Variants in KIF21A observed in about 807,000 individuals in gnomAD.
KIF21A encodes kinesin family member 21A.
KIF21A carries 114 observed loss-of-function variants against 202.9 expected under a neutral mutation model. That is an observed-to-expected ratio of 0.56 (90% confidence interval 0.48 to 0.66). The LOEUF (loss-of-function observed/expected upper bound fraction) is 0.66. KIF21A is among the 30% of genes least tolerant of loss of function. The pLI, the probability that KIF21A is intolerant of heterozygous loss-of-function variation, is 0.00. For synonymous variants in KIF21A, 667 were observed against 670.8 expected (o/e 0.99, Z 0.09); for missense variants, 1,677 against 1,994.9 (o/e 0.84, Z 3.04).
intron 1 of KIF21A, among the ~76,000 whole-genome samples, chr12:39,395,860 G>A (rs371273024): frequency 8.4e-4 from 97 of 115,380 alleles, no homozygotes; most frequent in African/African-American, 3.1e-3. Context: ...AAAAAAAAAA[G>A]AAGAAGAAAA....
chr12:39,311,369 T>G (rs1944010460), intron 32 of KIF21A, 48 bp downstream of exon 32: 1 of 1,553,260 alleles, frequency 6.4e-7, no homozygotes, highest in Non-Finnish European at 8.8e-7. Context: ...ATGTAATTTT[T>G]TTTAAAAAAA....
At chr12:39,377,793 T>C (rs770796826) in intron 1 of KIF21A, among the ~76,000 whole-genome samples, 7 of 152,192 alleles carry the variant, frequency 4.6e-5, no homozygotes, top group Non-Finnish European at 1.0e-4. Flanking sequence ...TTCCAGGGAC[T>C]AGGGAGTACA....
chr12:39,439,569 A>G (rs983710009), intron 1 of KIF21A, among the ~76,000 whole-genome samples: 2 of 152,212 alleles, frequency 1.3e-5, no homozygotes, highest in East Asian at 1.9e-4. Context: ...AACATACTTA[A>G]AAGTTTATGA....
At chr12:39,393,109 T>A (rs1214245621) in intron 1 of KIF21A, among the ~76,000 whole-genome samples, 1 of 151,002 alleles carries the variant, frequency 6.6e-6, no homozygotes, top group Admixed American at 6.6e-5. Context: ...CTTCTGAAGA[T>A]CCTTCAGCCC....
intron 1 of KIF21A, among the ~76,000 whole-genome samples, chr12:39,395,831 A>G (rs1951702163): frequency 6.9e-6 from 1 of 143,936 alleles, no homozygotes; most frequent in South Asian, 2.3e-4. Flanking sequence ...GACGAGAGCG[A>G]GACTCCGTCT....
intron 1 of KIF21A, among the ~76,000 whole-genome samples, chr12:39,395,492 C>T (rs1182383818): frequency 2.0e-5 from 3 of 152,152 alleles, no homozygotes; most frequent in Non-Finnish European, 2.9e-5. Flanking sequence ...ATTTATCTGT[C>T]TAGCTGTGTA....
Position 39,357,344 on chromosome 12 carries a change from C to A in KIF21A, c.1309G>T (p.Val437Leu). ...GTCTCTTGCATGGCTTTAATTCTTA[C>A]ACGCAGGTTATTATTTTCAGTCTGT... ...MLQTENNNLRVRIKAMQETVD... is the reference protein window; with the variant it reads ...MLQTENNNLRLRIKAMQETVD... Residue 437 changes from valine to leucine, a missense_variant, in exon 9 of 38, where the codon GTA becomes TTA. By Grantham distance (32) the Val-to-Leu change is conservative (BLOSUM62 1). Around this residue, in one of 3 missense-constraint regions of KIF21A, gnomAD observed 966 missense variants for 1,180.9 expected, o/e 0.82. Coordinates refer to ENST00000361418, the MANE Select transcript of KIF21A (RefSeq NM_001173464.2). 1.2e-6 allele frequency: 2 copies of A among 1,614,070 alleles called. No individual in the cohort carries two copies. Among genetic ancestry groups the A allele is most frequent in the Middle Eastern group, 1.6e-4 (1 of 6,062 alleles).
chr12:39,294,628 T>C (rs1427779196), intron 37 of KIF21A, 111 bp from the exon 38 acceptor site: 6 of 798,540 alleles, frequency 7.5e-6, no homozygotes, highest in Non-Finnish European at 1.1e-5. Flanking sequence ...CTTCAAGAAA[T>C]CCAAGTATAA....
Position 39,333,274 on chromosome 12 carries a change from G to A in KIF21A, c.2425C>T (p.Leu809Phe), listed in dbSNP as rs749005274. The change falls in exon 18 of 38, where the codon CTT becomes TTT. Residue 809 changes from leucine (L) to phenylalanine (F), a missense_variant. Around this residue, in one of 3 missense-constraint regions of KIF21A, gnomAD observed 966 missense variants for 1,180.9 expected, o/e 0.82. Coordinates refer to ENST00000361418, the MANE Select transcript of KIF21A (RefSeq NM_001173464.2). Reference protein sequence around the residue: ...KKDQRKRDHQLRLLEAQKRNQ... With the variant: ...KKDQRKRDHQFRLLEAQKRNQ... Reference sequence around the variant, plus strand: ...CTTTTTTGGGCTTCCAGAAGTCTAAGTTGATGCTATAAAATAATATTAAAT... The same window carrying A: ...CTTTTTTGGGCTTCCAGAAGTCTAAATTGATGCTATAAAATAATATTAAAT... 2 of 1,599,492 alleles carry A rather than the reference G, an allele frequency of 1.3e-6. No individual in the cohort carries two copies. Among genetic ancestry groups the A allele is most frequent in the East Asian group, 2.2e-5 (1 of 44,798 alleles).
rs1948845877 is a variant in KIF21A at position 39,357,252 on chromosome 12, T to C, written c.1401A>G (p.Arg467=). The part of the protein sequence containing the change: ...VSDQANHVLA[R]AGEGNEEISN... ...TATCCCACCCTACCCACATACCTGC[T>C]CTGGCAAGAACATGGTTGGCCTGAT... Residue 467 remains arginine, a synonymous_variant, in exon 9 of 38, where the codon AGA becomes AGG. Coordinates refer to ENST00000361418, the MANE Select transcript of KIF21A (RefSeq NM_001173464.2). 6.2e-7 allele frequency: 1 copy of C among 1,613,972 alleles called. No individual in the cohort carries two copies. The highest frequency in any genetic ancestry group is 8.5e-7 in the Non-Finnish European group (1 of 1,179,954).
intron 1 of KIF21A, among the ~76,000 whole-genome samples, chr12:39,397,187 A>C (rs1387475989): frequency 6.6e-6 from 1 of 152,200 alleles, no homozygotes; most frequent in African/African-American, 2.4e-5. Flanking sequence ...ATGGTCTATA[A>C]ATTATACCCC....
chr12:39,368,690 A>G (rs546922323), intron 3 of KIF21A, among the ~76,000 whole-genome samples: 32 of 152,154 alleles, frequency 2.1e-4, no homozygotes, highest in African/African-American at 7.5e-4. Flanking sequence ...ACATAGTTAT[A>G]TTCTCTTTGG....
intron 37 of KIF21A, among the ~76,000 whole-genome samples, chr12:39,297,375 C>T (rs950763426): frequency 6.6e-6 from 1 of 151,932 alleles, no homozygotes; most frequent in Non-Finnish European, 1.5e-5. Flanking sequence ...AAGAAAATGT[C>T]GCACATATAC....
chr12:39,326,024 C>A, intron 25 of KIF21A, 131 bp from the exon 26 acceptor site: 2 of 709,866 alleles, frequency 2.8e-6, no homozygotes, highest in East Asian at 2.7e-5. Flanking sequence ...TATTTAAAGT[C>A]AAAATGAATT....
At chr12:39,382,283 A>T (rs1286620263) in intron 1 of KIF21A, among the ~76,000 whole-genome samples, 1 of 152,222 alleles carries the variant, frequency 6.6e-6, no homozygotes, top group Non-Finnish European at 1.5e-5. Flanking sequence ...ATATTAAGAA[A>T]AGATAATTTG....
chr12:39,367,967 T>C lies in KIF21A; in HGVS notation c.516A>G (p.Lys172=). The C allele has an allele frequency of 6.2e-7, 1 of 1,606,236 alleles. No individual in the cohort carries two copies. Among genetic ancestry groups the C allele is most frequent in the Non-Finnish European group, 8.5e-7 (1 of 1,173,300 alleles). Residue 172 remains lysine (K), a synonymous_variant, in exon 4 of 38, where the codon AAA becomes AAG. Transcript: ENST00000361418. ...TTRDIDAKSK[K]SNIRIHEDST... ...AATCTTCATGAATTCTTATATTTGA[T>C]TTTTTACTTTTTGCATCAATATCAC... is the stretch of plus-strand genomic sequence containing the variant.
intron 1 of KIF21A, among the ~76,000 whole-genome samples, chr12:39,386,071 A>G (rs1451753471): frequency 2.0e-5 from 3 of 152,118 alleles, no homozygotes; most frequent in Admixed American, 1.3e-4. Context: ...GTTTTGTGGC[A>G]TAAATTGCTA....
intron 23 of KIF21A, 23 bp downstream of exon 23, chr12:39,330,723 A>T: frequency 6.2e-7 from 1 of 1,612,546 alleles, no homozygotes; most frequent in Non-Finnish European, 8.5e-7. Context: ...AAATTCATTC[A>T]ACTAAAATTG....
chr12:39,433,789 C>T (rs1400699776), intron 1 of KIF21A, among the ~76,000 whole-genome samples: 2 of 151,998 alleles, frequency 1.3e-5, no homozygotes, highest in Non-Finnish European at 2.9e-5. Context: ...AGCAGTATGG[C>T]ATGTAATTTA....
Sources: gnomAD v4.1 joint callset for allele counts (sites outside exome capture counted in the v4.1 genomes callset) on GRCh38, gnomAD v4.1.1 for gene constraint, gnomAD v4.1.1 regional missense constraint, MANE v1.5 for transcripts, NCBI Gene and HGNC (gene_info 2026-07-23, HGNC 2026-07-21) for gene names.